The following PLEC variants were observed in gnomAD, a reference collection of about 807,000 sequenced individuals.
PLEC encodes hemidesmosomal protein 1.
In PLEC, 216 loss-of-function variants were observed where a neutral mutation model predicts 392.8. The observed-to-expected ratio is 0.55, with a 90% CI of 0.49 to 0.62. PLEC has a LOEUF of 0.62. Among genes scored for constraint, PLEC ranks in the 20% least tolerant of loss-of-function variants. PLEC has a pLI of 0.00. For missense variants in PLEC, 6,863 were observed against 6,563.4 expected (o/e 1.05, Z -1.58); for synonymous variants, 3,621 against 2,980.6 (o/e 1.21, Z -7.00).
At chr8:143,970,803 C>T (rs551859459) in intron 1 of PLEC, among the ~76,000 whole-genome samples, 136 of 152,356 alleles carry the variant, frequency 8.9e-4, no homozygotes, top group African/African-American at 3.2e-3. Context: ...GGCAGAACGG[C>T]CCAGCCTCTA....
At chr8:143,958,463 C>T (rs72695404), upstream of PLEC, 11,342 of 311,534 alleles carry the variant, frequency 0.036, 281 homozygotes, top group Middle Eastern at 0.057. This position sits in a 1 kb window ranked among gnomAD's most constrained non-coding sequence, Gnocchi z 4.9. Flanking sequence ...CCCACATGAC[C>T]ATCCATTAGG....
Position 143,919,743 on chromosome 8 carries a change from T to C in PLEC, c.10078A>G (p.Ile3360Val), listed in dbSNP as rs782696253. ...TTCTCCTTGGTGTCCTCCAGGTAGA[T>C]GCCGGCGAGGCAGCCACTGCCCTGC... ...LLQGSGCLAG[I>V]YLEDTKEKVS... The change falls in exon 32 of 32, where the codon ATC becomes GTC. Residue 3360 changes from isoleucine (I) to valine (V), a missense_variant. By Grantham distance (29) the Ile-to-Val change is conservative. Coordinates refer to ENST00000345136, the MANE Select transcript of PLEC (RefSeq NM_201384.3). 1.2e-6 allele frequency: 2 copies of C among 1,609,050 alleles called. No individual in the cohort carries two copies. The highest frequency in any genetic ancestry group is 2.2e-5 in the South Asian group (2 of 91,038).
Position 143,933,123 on chromosome 8 carries a change from G to C in PLEC, c.1419-12C>G, listed in dbSNP as rs782398265. 2 of 1,600,956 alleles carry C rather than the reference G, an allele frequency of 1.2e-6. No homozygotes were observed. The highest frequency in any genetic ancestry group is 1.1e-5 in the South Asian group (1 of 89,818). ...GCAGACGGTACACCCTGGGGCAGCA[G>C]AGGACTCAGGTAGGTGTTGGCGGGC... On this transcript the variant is annotated splice_polypyrimidine_tract_variant and intron_variant, in intron 13 of 31. Transcript: ENST00000345136.
At position 143,920,200 on chromosome 8, in the gene PLEC, C is replaced by A; in HGVS notation, c.9621G>T (p.Leu3207=). Residue 3207 remains leucine (L), a synonymous_variant, in exon 32 of 32, where the codon CTG becomes CTT. Coordinates refer to ENST00000345136, the MANE Select transcript of PLEC (RefSeq NM_201384.3). The stretch of plus-strand genomic sequence containing the variant: ...CCTTTTCTGAGAGCGGCAGCAGGCT[C>A]AGCCCGGTCAGCTGGTCGGGCCGGC... The part of the protein sequence containing the change: ...QRCRPDQLTG[L]SLLPLSEKAA... The A allele has an allele frequency of 1.9e-6, 3 of 1,609,690 alleles. No individual in the cohort carries two copies. The South Asian group carries it at 3.3e-5, about 18-fold the overall frequency.
intron 1 of PLEC, among the ~76,000 whole-genome samples, chr8:143,966,512 C>T (rs1169821373): frequency 1.3e-4 from 20 of 152,354 alleles, no homozygotes; most frequent in African/African-American, 3.1e-4. Flanking sequence ...ACAGCCACCA[C>T]GGGGGACTCC....
At chr8:143,953,632 C>T (rs530667003), upstream of PLEC, 2 of 1,355,750 alleles carry the variant, frequency 1.5e-6, no homozygotes, top group South Asian at 1.2e-5. Context: ...CCAGGGATGG[C>T]AGACCCTGCC....
chr8:143,915,871 G>T lies in PLEC; in HGVS notation c.*306C>A. The stretch of plus-strand genomic sequence containing the variant: ...TAGGACTGGCAGGCGGGCTACCCTG[G>T]GAAGACAGGAGGGTGGGCTGGGGCC... On this transcript the variant is annotated 3_prime_UTR_variant, in exon 32 of 32. Transcript: ENST00000345136. The T allele has an allele frequency of 4.0e-6, 1 of 253,076 alleles. No individual in the cohort carries two copies. The highest frequency in any genetic ancestry group is 7.5e-6 in the Non-Finnish European group (1 of 133,394). 15.7% of individuals were successfully genotyped at this position (253,076 alleles called of 1,614,324 possible).
At chr8:143,927,800 G>T in intron 26 of PLEC, 34 bp from the exon 27 acceptor site, 1 of 1,581,558 alleles carries the variant, frequency 6.3e-7, no homozygotes, top group Admixed American at 1.8e-5. Context: ...TGCGGCTTCA[G>T]CTGGGCCCGC....
rs1280684382 is a variant in PLEC at position 143,915,613 on chromosome 8, G to A, written c.*564C>T. ...CAGAGGCTGGAGGCTGACGCCGGAG[G>A]CCAGGGGTCTCAGGAGTGAGTGTGG... is the stretch of plus-strand genomic sequence containing the variant. On this transcript the variant is annotated 3_prime_UTR_variant, in exon 32 of 32. Coordinates refer to ENST00000345136, the MANE Select transcript of PLEC (RefSeq NM_201384.3). 3 of 152,634 alleles carry A rather than the reference G, an allele frequency of 2.0e-5. No individual in the cohort carries two copies. Among genetic ancestry groups the A allele is most frequent in the Non-Finnish European group, 4.4e-5 (3 of 68,292 alleles). 9.5% of individuals were successfully genotyped at this position (152,634 alleles called of 1,614,324 possible).
intron 19 of PLEC, among the ~76,000 whole-genome samples, chr8:143,931,278 C>G (rs1007099083): frequency 1.1e-4 from 17 of 150,968 alleles, no homozygotes; most frequent in Non-Finnish European, 2.4e-4. Context: ...CCTCATTCCC[C>G]CCTTGGCTGA....
At chr8:143,956,167 C>T (rs1309757535), upstream of PLEC, among the ~76,000 whole-genome samples, 7 of 152,244 alleles carry the variant, frequency 4.6e-5, no homozygotes, top group East Asian at 9.7e-4. Context: ...AGGCTGATCT[C>T]GAACTCCTGA....
upstream of PLEC, chr8:143,942,644 C>T (rs369540775): frequency 2.0e-5 from 24 of 1,176,264 alleles, no homozygotes; most frequent in South Asian, 8.3e-5. Context: ...ACCTCCCCCC[C>T]ACAATCCGCC....
chr8:143,963,284 T>C (rs1394734651), intron 1 of PLEC, among the ~76,000 whole-genome samples: 1 of 152,218 alleles, frequency 6.6e-6, no homozygotes, highest in Non-Finnish European at 1.5e-5. Context: ...AAACATGTGC[T>C]ACCCTTTGAG....
At chr8:143,954,964 G>C (rs11985891), upstream of PLEC, among the ~76,000 whole-genome samples, 8,708 of 152,204 alleles carry the variant, frequency 0.057, 863 homozygotes, top group African/African-American at 0.2. This position sits in a 1 kb window ranked among gnomAD's most constrained non-coding sequence, Gnocchi z 4.6. Context: ...TGGAGGACGT[G>C]ACCATGATCC....
intron 28 of PLEC, 78 bp downstream of exon 28, chr8:143,927,173 GC>G (rs1266876475): frequency 1.9e-6 from 3 of 1,571,518 alleles, no homozygotes; most frequent in Non-Finnish European, 2.6e-6. Context: ...CCCTGGCATG[GC>G]CCAGGCTCAG....
chr8:143,969,533 T>C lies in PLEC; in HGVS notation c.70+3870A>G, dbSNP rs1587421886. Among the ~76,000 whole-genome samples the C allele has an allele frequency of 6.6e-6, 1 of 152,258 alleles. No homozygotes were observed. The highest frequency in any genetic ancestry group is 2.4e-5 in the African/African-American group (1 of 41,562). On this transcript the variant is annotated intron_variant, in intron 1 of 31. Transcript: ENST00000356346. The surrounding 1 kb of genome is among the most constrained non-coding windows in gnomAD (Gnocchi z 5.1). ...GAGGCTGGGCCGTCCTGCCACACCA[T>C]GGGAGCCTGGAGAGAGACCTGGGGT...
At chr8:143,959,078 GCGGGGCAC>G (rs1554740028) in intron 1 of PLEC, among the ~76,000 whole-genome samples, 1 of 152,246 alleles carries the variant, frequency 6.6e-6, no homozygotes, top group East Asian at 1.9e-4. Flanking sequence ...TTGTAGCACA[GCGGGGCAC>G]CCTCCCAGTG....
chr8:143,931,167 G>A (rs1827134329), intron 19 of PLEC, among the ~76,000 whole-genome samples: 1 of 152,176 alleles, frequency 6.6e-6, no homozygotes, highest in Non-Finnish European at 1.5e-5. Context: ...CAGCACAAGG[G>A]CTGGCGGCAG....
In PLEC at chr8:143,918,828, G is replaced by A. The variant is rs782644803; in HGVS notation, c.10993C>T (p.Leu3665=). 6.8e-6 allele frequency: 11 copies of A among 1,613,218 alleles called. No homozygotes were observed. In the East Asian group the frequency reaches 2.2e-4, roughly 33 times the overall value. The change falls in exon 32 of 32, where the codon CTG becomes TTG. Residue 3665 remains leucine, a synonymous_variant. Transcript: ENST00000345136. ...ARIISLETYN[L]LREGTRSLRE... is the part of the protein sequence containing the mutation. Reference sequence around the variant, plus strand: ...AGGCTCCTGGTGCCCTCCCGGAGCAGGTTGTAGGTCTCGAGAGAGATGATC... The same window carrying A: ...AGGCTCCTGGTGCCCTCCCGGAGCAAGTTGTAGGTCTCGAGAGAGATGATC...
Sources: gnomAD v4.1 joint callset for allele counts (sites outside exome capture counted in the v4.1 genomes callset) on GRCh38, gnomAD v4.1.1 for gene constraint, Gnocchi (gnomAD v3.1) non-coding constraint, MANE v1.5 for transcripts, NCBI Gene and HGNC (gene_info 2026-07-23, HGNC 2026-07-21) for gene names.